The following FGF12 variants were observed in gnomAD, a reference collection of about 807,000 sequenced individuals.
FGF12 encodes fibroblast growth factor 12B.
In FGF12, 14 loss-of-function variants were observed where a neutral mutation model predicts 23.6. The ratio of observed to expected loss-of-function variants is 0.59; its 90% confidence interval spans 0.39 to 0.93. The LOEUF is 0.93. Among genes scored for constraint, FGF12 ranks in the 40% least tolerant of loss-of-function variants. The pLI is 0.00. For missense variants in FGF12, 175 were observed against 217.8 expected (o/e 0.80, Z 1.24); for synonymous variants, 62 against 77.3 (o/e 0.80, Z 1.04).
chr3:192,517,955 C>G (rs916556286), intron 2 of FGF12, among the ~76,000 whole-genome samples: 3 of 151,510 alleles, frequency 2.0e-5, no homozygotes, highest in African/African-American at 7.3e-5. Flanking sequence ...CATAACATCC[C>G]AAAAAAGACA....
chr3:192,287,907 A>G (rs1300784452), intron 4 of FGF12, among the ~76,000 whole-genome samples: 2 of 152,078 alleles, frequency 1.3e-5, no homozygotes, highest in Non-Finnish European at 1.5e-5. Flanking sequence ...GACAAAAGAT[A>G]CTTCTTTAAC....
chr3:192,273,656 A>G (rs1713591968), intron 4 of FGF12, among the ~76,000 whole-genome samples: 1 of 152,226 alleles, frequency 6.6e-6, no homozygotes, highest in Non-Finnish European at 1.5e-5. Flanking sequence ...GTACACCCTC[A>G]GTAAATATTA....
intron 2 of FGF12, among the ~76,000 whole-genome samples, chr3:192,651,460 C>A (rs1716212039): frequency 6.6e-6 from 1 of 152,076 alleles, no homozygotes; most frequent in Admixed American, 6.5e-5. Flanking sequence ...TGGTATATGG[C>A]AAATAAGAGG....
chr3:192,489,167 T>C (rs1166143854), intron 2 of FGF12, among the ~76,000 whole-genome samples: 2 of 152,060 alleles, frequency 1.3e-5, no homozygotes, highest in Non-Finnish European at 2.9e-5. Flanking sequence ...TATTATCTAA[T>C]CATTTTTTAA....
chr3:192,537,371 C>G (rs1184256132), intron 2 of FGF12, among the ~76,000 whole-genome samples: 1 of 151,940 alleles, frequency 6.6e-6, no homozygotes, highest in Non-Finnish European at 1.5e-5. Flanking sequence ...TTTTGAAGAA[C>G]CTCCAAACGA....
rs1712100133 is a variant in FGF12 at position 192,562,733 on chromosome 3, GA to G, written c.13+164447del. On this transcript the variant is annotated intron_variant, in intron 2 of 5. Coordinates refer to ENST00000445105, the MANE Select transcript of FGF12 (RefSeq NM_004113.6). ...TCTGGGTGATACTAACCCTACCTCT[GA>G]GACTTTTTTTTTTTTTTTGAGCCAG... Among the ~76,000 whole-genome samples the G allele has an allele frequency of 4.7e-5, 7 of 147,860 alleles. No homozygotes were observed. In the South Asian group the frequency reaches 1.5e-3, roughly 32 times the overall value.
At chr3:192,283,368 T>C (rs1714264885) in intron 4 of FGF12, among the ~76,000 whole-genome samples, 1 of 152,116 alleles carries the variant, frequency 6.6e-6, no homozygotes, top group Non-Finnish European at 1.5e-5. Context: ...ATTATTATCT[T>C]TAATAATTTT....
In FGF12 at chr3:192,323,520, A is replaced by T. The variant is rs191984919; in HGVS notation, c.228+11841T>A. 4.0e-3 allele frequency among the ~76,000 whole-genome samples: 613 copies of T among 152,242 alleles called. 7 individuals are homozygous for T. Among genetic ancestry groups the T allele is most frequent in the African/African-American group, 0.014 (586 of 41,568 alleles). On this transcript the variant is annotated intron_variant, in intron 4 of 5. Transcript: ENST00000445105. ...GAGTTAAAAATTAAAGCAATTGCACACATGGAGTTAGAGAGTAGAATGATG... is the reference window on the plus strand; with the variant it reads ...GAGTTAAAAATTAAAGCAATTGCACTCATGGAGTTAGAGAGTAGAATGATG...
chr3:192,718,161 C>CTTTTTTTTTTTTT (rs71177369), intron 2 of FGF12, among the ~76,000 whole-genome samples: 13 of 77,968 alleles, frequency 1.7e-4, no homozygotes, highest in African/African-American at 5.4e-4. Context: ...GTTAGTCTTT[C>CTTTTTTTTTTTTT]TTTTTTTTTT....
At chr3:192,601,121 A>G (rs191253769) in intron 2 of FGF12, among the ~76,000 whole-genome samples, 38 of 152,266 alleles carry the variant, frequency 2.5e-4, no homozygotes, top group African/African-American at 8.9e-4. Context: ...TCAGCCATAA[A>G]AAAGAATAAA....
chr3:192,624,107 A>C (rs867244662), intron 2 of FGF12, among the ~76,000 whole-genome samples: 2 of 152,158 alleles, frequency 1.3e-5, no homozygotes. Flanking sequence ...AGTTGGTAAT[A>C]GCAAAAATTA....
rs1459698854 is a variant in FGF12 at position 192,158,332 on chromosome 3, C to CTTTCTTTCTTTCTTTCTT, written c.427+12125_427+12126insAAGAAAGAAAGAAAGAAA. Among the ~76,000 whole-genome samples the CTTTCTTTCTTTCTTTCTT allele has an allele frequency of 4.6e-3, 517 of 112,396 alleles. 5 individuals are homozygous for CTTTCTTTCTTTCTTTCTT. Among genetic ancestry groups the CTTTCTTTCTTTCTTTCTT allele is most frequent in the East Asian group, 0.011 (36 of 3,202 alleles). 73.7% of individuals were successfully genotyped at this position (112,396 alleles called of 152,430 possible). A position where few individuals can be genotyped will look rare whatever the true frequency, so the allele number is the denominator to read the frequency against. ...CCCTTTTCTCTTTCTTTCTTTCTTT[C>CTTTCTTTCTTTCTTTCTT]TCTTTCTTTCTTTCTTTCTTTCTTT... is the stretch of plus-strand genomic sequence containing the variant. On this transcript the variant is annotated intron_variant, in intron 5 of 5. Coordinates refer to ENST00000445105, the MANE Select transcript of FGF12 (RefSeq NM_004113.6).
chr3:192,314,570 G>A (rs1324208194), intron 4 of FGF12, among the ~76,000 whole-genome samples: 5 of 152,116 alleles, frequency 3.3e-5, no homozygotes, highest in East Asian at 1.9e-4. Flanking sequence ...TAATGGGCCC[G>A]TTGAGTCAAT....
At chr3:192,216,321 T>C (rs1267912806) in intron 4 of FGF12, among the ~76,000 whole-genome samples, 1 of 152,222 alleles carries the variant, frequency 6.6e-6, no homozygotes, top group Non-Finnish European at 1.5e-5. Flanking sequence ...TACCCCCTGG[T>C]AATGGAGGTT....
At chr3:192,148,138 G>A (rs1713828566) in intron 5 of FGF12, among the ~76,000 whole-genome samples, 1 of 152,018 alleles carries the variant, frequency 6.6e-6, no homozygotes, top group Admixed American at 6.6e-5. Context: ...TGAAAGCAGG[G>A]ACCCCAGCAT....
chr3:192,288,467 A>G (rs948237620), intron 4 of FGF12, among the ~76,000 whole-genome samples: 10 of 152,038 alleles, frequency 6.6e-5, no homozygotes, highest in South Asian at 6.2e-4. Context: ...TTTAATTTTT[A>G]CTAAATTATG....
intron 2 of FGF12, among the ~76,000 whole-genome samples, chr3:192,670,747 T>C (rs747515753): frequency 6.6e-6 from 1 of 152,238 alleles, no homozygotes; most frequent in African/African-American, 2.4e-5. Context: ...TGCAGTCTAG[T>C]ACATCAATAA....
intron 2 of FGF12, among the ~76,000 whole-genome samples, chr3:192,669,431 CA>C (rs1235992784): frequency 8.8e-6 from 1 of 113,030 alleles, no homozygotes; most frequent in African/African-American, 3.7e-5. Flanking sequence ...ACAGAAAATA[CA>C]AAAATTTAGC....
At chr3:192,213,336 T>C (rs1577241737) in intron 4 of FGF12, among the ~76,000 whole-genome samples, 1 of 152,146 alleles carries the variant, frequency 6.6e-6, no homozygotes, top group Non-Finnish European at 1.5e-5. Context: ...TGAATCAGAA[T>C]AGGAATTACC....
Sources: gnomAD v4.1 joint callset for allele counts (sites outside exome capture counted in the v4.1 genomes callset) on GRCh38, gnomAD v4.1.1 for gene constraint, MANE v1.5 for transcripts, NCBI Gene and HGNC (gene_info 2026-07-23, HGNC 2026-07-21) for gene names.